Variants in LSAMP observed in about 807,000 individuals in gnomAD.
LSAMP encodes limbic system associated membrane protein, also known as limbic system-associated membrane protein.
Under a neutral mutation model 38.6 loss-of-function variants are expected in LSAMP, and 7 were observed. The observed-to-expected ratio is 0.18, with a 90% CI of 0.10 to 0.34. The LOEUF is 0.34. LSAMP is among the 10% of genes least tolerant of loss of function. The probability of loss-of-function intolerance (pLI) is 1.00; values close to 1 mark genes in which losing one functional copy is unlikely to be tolerated. For missense variants in LSAMP, 313 were observed against 420.0 expected (o/e 0.75, Z 2.23); for synonymous variants, 154 against 166.8 (o/e 0.92, Z 0.59).
At chr3:116,386,364 C>G (rs769508560) in intron 1 of LSAMP, among the ~76,000 whole-genome samples, 2 of 152,180 alleles carry the variant, frequency 1.3e-5, no homozygotes, top group Non-Finnish European at 1.5e-5. Flanking sequence ...TCAACCATCT[C>G]AGGCAGACAT....
intron 3 of LSAMP, among the ~76,000 whole-genome samples, chr3:115,866,918 A>T (rs1935877507): frequency 6.6e-6 from 1 of 152,062 alleles, no homozygotes; most frequent in Non-Finnish European, 1.5e-5. Context: ...TTAACACCTA[A>T]GGGATTTCAC....
chr3:116,238,611 C>T lies in LSAMP; in HGVS notation c.156-152055G>A, dbSNP rs148675132. 2.2e-3 allele frequency among the ~76,000 whole-genome samples: 336 copies of T among 152,212 alleles called. 5 individuals are homozygous for T. Among genetic ancestry groups the T allele is most frequent in the African/African-American group, 7.5e-3 (311 of 41,524 alleles). ...AGGAGAGGAAGAAATTACCTAACAC[C>T]TCTATACAAAGCCTATTTCATCATG... On this transcript the variant is annotated intron_variant, in intron 1 of 6. Transcript: ENST00000490035.
At chr3:116,430,814 C>T (rs995893043) in intron 1 of LSAMP, among the ~76,000 whole-genome samples, 2 of 151,988 alleles carry the variant, frequency 1.3e-5, no homozygotes, top group Non-Finnish European at 2.9e-5. Flanking sequence ...TGTGTTATTT[C>T]TACTATGCCA....
At chr3:116,160,800 A>C (rs1027997988) in intron 1 of LSAMP, among the ~76,000 whole-genome samples, 1 of 152,336 alleles carries the variant, frequency 6.6e-6, no homozygotes, top group South Asian at 2.1e-4. Context: ...ACATTTAAGA[A>C]GTTTGTTTAC....
At chr3:116,245,499 C>G (rs764261115) in intron 1 of LSAMP, among the ~76,000 whole-genome samples, 5 of 152,140 alleles carry the variant, frequency 3.3e-5, no homozygotes, top group Admixed American at 6.5e-5. Context: ...TGGTGCATAT[C>G]TTACTCTTAG....
chr3:115,983,902 G>A lies in LSAMP; in HGVS notation c.514+35613C>T, dbSNP rs543821118. Among the ~76,000 whole-genome samples the A allele has an allele frequency of 2.0e-5, 3 of 152,268 alleles. No homozygotes were observed. The South Asian group carries it at 6.2e-4, about 32-fold the overall frequency. The stretch of plus-strand genomic sequence containing the variant: ...AAAAGTGGCAATGTTAACATTAAGA[G>A]ACAATGGGAAACTATTGATGGCATT... On this transcript the variant is annotated intron_variant, in intron 3 of 6. Coordinates refer to ENST00000490035, the MANE Select transcript of LSAMP (RefSeq NM_002338.5).
intron 1 of LSAMP, among the ~76,000 whole-genome samples, chr3:116,336,373 A>C (rs1304071098): frequency 6.6e-6 from 1 of 152,044 alleles, no homozygotes; most frequent in Non-Finnish European, 1.5e-5. Context: ...ATAAATAATT[A>C]ACATCCAGAA....
At chr3:116,006,563 A>G (rs953938814) in intron 3 of LSAMP, among the ~76,000 whole-genome samples, 1 of 152,178 alleles carries the variant, frequency 6.6e-6, no homozygotes, top group Admixed American at 6.5e-5. Flanking sequence ...ACCACAACTA[A>G]TTATGAGAAA....
At chr3:115,990,356 C>T (rs1015197692) in intron 3 of LSAMP, among the ~76,000 whole-genome samples, 3 of 152,028 alleles carry the variant, frequency 2.0e-5, no homozygotes, top group African/African-American at 7.2e-5. Flanking sequence ...TATTCTGAGC[C>T]TCTTGATGCT....
In LSAMP at chr3:115,809,281, A is replaced by T. The variant is rs1933729109; in HGVS notation, c.*1036T>A. 6.6e-6 allele frequency: 1 copy of T among 151,936 alleles called. No homozygotes were observed. Among genetic ancestry groups the T allele is most frequent in the Non-Finnish European group, 1.5e-5 (1 of 68,012 alleles). 9.4% of individuals were successfully genotyped at this position (151,936 alleles called of 1,614,324 possible). On this transcript the variant is annotated 3_prime_UTR_variant, in exon 7 of 7. Transcript: ENST00000490035. ...ACAGTGATATTCTGAGTGACTCCCC[A>T]CTCGGTTCTGATGATGGGACTAGGA...
chr3:115,858,951 C>T (rs942690060), intron 3 of LSAMP, among the ~76,000 whole-genome samples: 3 of 152,196 alleles, frequency 2.0e-5, no homozygotes, highest in African/African-American at 4.8e-5. Context: ...ATGCTCTCAC[C>T]TATTCCTGTT....
intron 3 of LSAMP, among the ~76,000 whole-genome samples, chr3:115,967,884 G>A (rs1222972815): frequency 6.6e-6 from 1 of 152,106 alleles, no homozygotes; most frequent in Non-Finnish European, 1.5e-5. Context: ...AATTATGGGA[G>A]CTACAAGATG....
rs141233736 is a variant in LSAMP at position 116,049,331 on chromosome 3, C to T, written c.389-29691G>A. 7.2e-3 allele frequency among the ~76,000 whole-genome samples: 1,096 copies of T among 152,282 alleles called. 13 individuals are homozygous for T. Among genetic ancestry groups the T allele is most frequent in the African/African-American group, 0.024 (992 of 41,548 alleles). ...CCTGTAGCAAAACCAGGGAGCAAGC[C>T]ATTCATCTTCAGTAGTCTCTACCTT... is the stretch of plus-strand genomic sequence containing the variant. On this transcript the variant is annotated intron_variant, in intron 2 of 6. Transcript: ENST00000490035.
At chr3:116,421,065 A>G (rs2049116957) in intron 1 of LSAMP, among the ~76,000 whole-genome samples, 2 of 152,218 alleles carry the variant, frequency 1.3e-5, no homozygotes, top group Admixed American at 1.3e-4. Context: ...TGTAAGAGCT[A>G]AAACTATATA....
intron 6 of LSAMP, among the ~76,000 whole-genome samples, chr3:115,822,890 T>C (rs1306233826): frequency 1.3e-5 from 2 of 152,228 alleles, no homozygotes; most frequent in African/African-American, 4.8e-5. Flanking sequence ...TTCAGTTTGG[T>C]GCTCTGTCAG....
At chr3:116,292,469 A>C (rs1388494328) in intron 1 of LSAMP, among the ~76,000 whole-genome samples, 1 of 152,220 alleles carries the variant, frequency 6.6e-6, no homozygotes, top group Non-Finnish European at 1.5e-5. Flanking sequence ...TAGGAAACAG[A>C]AAATCAGGTC....
At chr3:116,111,350 C>A (rs552151319) in intron 1 of LSAMP, among the ~76,000 whole-genome samples, 5 of 152,118 alleles carry the variant, frequency 3.3e-5, no homozygotes, top group Non-Finnish European at 7.4e-5. Flanking sequence ...TTCCTTTGAT[C>A]GACAGTAAGT....
chr3:116,102,970 T>G (rs1708381011), intron 1 of LSAMP, among the ~76,000 whole-genome samples: 1 of 152,300 alleles, frequency 6.6e-6, no homozygotes, highest in Admixed American at 6.5e-5. Flanking sequence ...CTTAAAGTCC[T>G]TATTCTCTTA....
chr3:116,209,238 A>G (rs928721301), intron 1 of LSAMP, among the ~76,000 whole-genome samples: 1 of 152,132 alleles, frequency 6.6e-6, no homozygotes, highest in Non-Finnish European at 1.5e-5. Flanking sequence ...AAGTGAGGCA[A>G]TGCCTCGCCC....
Sources: gnomAD v4.1 joint callset for allele counts (sites outside exome capture counted in the v4.1 genomes callset) on GRCh38, gnomAD v4.1.1 for gene constraint, MANE v1.5 for transcripts, NCBI Gene and HGNC (gene_info 2026-07-23, HGNC 2026-07-21) for gene names.